The following AP3B1 variants were observed in gnomAD, a reference collection of about 807,000 sequenced individuals.
AP3B1 encodes the protein AP-3 complex subunit beta-1.
AP3B1 carries 61 observed loss-of-function variants against 132.5 expected under a neutral mutation model. That is an observed-to-expected ratio of 0.46 (90% CI 0.37 to 0.57). The LOEUF is 0.57. Ranked by LOEUF, AP3B1 falls within the 20% of genes least tolerant of loss-of-function variation. AP3B1 has a pLI of 0.00. For synonymous variants in AP3B1, 388 were observed against 438.3 expected (o/e 0.89, Z 1.43); for missense variants, 1,120 against 1,289.4 (o/e 0.87, Z 2.01).
intron 14 of AP3B1, among the ~76,000 whole-genome samples, chr5:78,145,323 TCA>T (rs1457221509): frequency 5.3e-5 from 8 of 152,220 alleles, no homozygotes; most frequent in Non-Finnish European, 1.0e-4. Context: ...ACGTATTTTC[TCA>T]GTCATTCATC....
At chr5:78,001,533 A>G (rs1447648949), downstream of AP3B1, 2 of 152,168 alleles carry the variant, frequency 1.3e-5, no homozygotes, top group Non-Finnish European at 2.9e-5. Context: ...ATTCAGGGCT[A>G]TATTTCTTTC....
chr5:78,101,311 T>G (rs1751113905), intron 20 of AP3B1: 3 of 457,016 alleles, frequency 6.6e-6, no homozygotes, highest in Non-Finnish European at 1.3e-5. Context: ...GACAACTTCT[T>G]GCTAACATAA....
chr5:78,278,609 AAAAAAAAAAAAAAAAAGG>A (rs1347242706), intron 1 of AP3B1, among the ~76,000 whole-genome samples: 2 of 136,024 alleles, frequency 1.5e-5, no homozygotes, highest in East Asian at 4.8e-4. Context: ...AAAAAAAAAA[AAAAAAAAAAAAAAAAAGG>A]GGGGGGGGGA....
At chr5:78,090,960 A>AT (rs1485944726) in intron 21 of AP3B1, among the ~76,000 whole-genome samples, 7 of 144,746 alleles carry the variant, frequency 4.8e-5, no homozygotes, top group Admixed American at 6.9e-5. Context: ...TTTTTATTTT[A>AT]TTTTTTTTTA....
chr5:78,046,451 A>T (rs1748333926), intron 22 of AP3B1, among the ~76,000 whole-genome samples: 1 of 152,190 alleles, frequency 6.6e-6, no homozygotes, highest in African/African-American at 2.4e-5. Flanking sequence ...TCTTCCACAA[A>T]ACGGGTCCCT....
intron 19 of AP3B1, 34 bp from the exon 20 acceptor site, chr5:78,110,388 T>C: frequency 2.6e-6 from 4 of 1,516,528 alleles, no homozygotes; most frequent in Non-Finnish European, 3.6e-6. Context: ...AATATGAACT[T>C]TAACTCCTTT....
At chr5:78,103,737 T>A (rs927427485) in intron 20 of AP3B1, among the ~76,000 whole-genome samples, 1 of 152,194 alleles carries the variant, frequency 6.6e-6, no homozygotes, top group African/African-American at 2.4e-5. Context: ...ATTTTGTTTC[T>A]ATGGTATTCA....
chr5:78,221,684 T>C (rs1746182726), intron 6 of AP3B1, among the ~76,000 whole-genome samples: 1 of 151,462 alleles, frequency 6.6e-6, no homozygotes, highest in Non-Finnish European at 1.5e-5. Flanking sequence ...GATTGGAATG[T>C]AAAACAGGCA....
chr5:78,049,768 C>T (rs1279955934), intron 22 of AP3B1, among the ~76,000 whole-genome samples: 2 of 152,146 alleles, frequency 1.3e-5, no homozygotes, highest in Admixed American at 6.5e-5. Flanking sequence ...GACTGAATTG[C>T]TATGTTAGTC....
intron 22 of AP3B1, among the ~76,000 whole-genome samples, chr5:78,054,381 G>A (rs1392832765): frequency 6.6e-6 from 1 of 152,162 alleles, no homozygotes; most frequent in Non-Finnish European, 1.5e-5. Context: ...AGAATGACAA[G>A]GAGGGGAAGA....
chr5:78,038,693 T>C (rs1747912149), intron 23 of AP3B1, among the ~76,000 whole-genome samples: 1 of 152,086 alleles, frequency 6.6e-6, no homozygotes. Context: ...TAATACACAA[T>C]AAACCACTTA....
chr5:78,120,969 A>G lies in AP3B1; in HGVS notation c.1969-4735T>C, dbSNP rs538331663. On this transcript the variant is annotated intron_variant, in intron 17 of 26. Transcript: ENST00000255194. ...TAAAGCACTCCTCAGCAAATGTAAT[A>G]GAACAGAAATTATAACGAACTGTCT... Among the ~76,000 whole-genome samples, 3 of 152,364 alleles carry G rather than the reference A, an allele frequency of 2.0e-5. No individual in the cohort carries two copies. The South Asian group carries it at 6.2e-4, about 32-fold the overall frequency.
chr5:78,069,091 T>C lies in AP3B1; in HGVS notation c.2577+20302A>G, dbSNP rs1192077249. On this transcript the variant is annotated intron_variant, in intron 22 of 26. Transcript: ENST00000255194. ...TTAAAAACTCTCAATAAACTAGGTATTGATGGAACATACCTCAAAATAATT... is the reference window on the plus strand; with the variant it reads ...TTAAAAACTCTCAATAAACTAGGTACTGATGGAACATACCTCAAAATAATT... Among the ~76,000 whole-genome samples, 8 of 152,376 alleles carry C rather than the reference T, an allele frequency of 5.3e-5. No homozygotes were observed. In the East Asian group the frequency reaches 1.3e-3, roughly 26 times the overall value.
chr5:78,040,785 A>G (rs1247122786), intron 22 of AP3B1, among the ~76,000 whole-genome samples: 3 of 152,210 alleles, frequency 2.0e-5, no homozygotes, highest in Non-Finnish European at 4.4e-5. Context: ...ATATCAACCT[A>G]TTAAACATTT....
intron 22 of AP3B1, among the ~76,000 whole-genome samples, chr5:78,078,663 A>G (rs146558002): frequency 2.4e-4 from 36 of 152,266 alleles, no homozygotes; most frequent in Middle Eastern, 3.4e-3. Flanking sequence ...ATTGATAGGC[A>G]CTCTTTGCAG....
At chr5:78,116,264 G>C in intron 17 of AP3B1, 30 bp from the exon 18 acceptor site, 1 of 1,551,666 alleles carries the variant, frequency 6.4e-7, no homozygotes, top group Non-Finnish European at 8.9e-7. Flanking sequence ...AAATATAAAT[G>C]AATTCTCATT....
chr5:78,093,778 A>C (rs959493589), intron 21 of AP3B1, among the ~76,000 whole-genome samples: 1 of 152,228 alleles, frequency 6.6e-6, no homozygotes, highest in Non-Finnish European at 1.5e-5. Flanking sequence ...GCTTTTACGT[A>C]TATCAAGTCA....
intron 22 of AP3B1, among the ~76,000 whole-genome samples, chr5:78,078,958 G>A (rs1336619558): frequency 6.6e-6 from 1 of 152,192 alleles, no homozygotes; most frequent in Non-Finnish European, 1.5e-5. Context: ...GTTGTTACCT[G>A]CCTTACAGAT....
chr5:78,290,441 T>G (rs1368283663), intron 1 of AP3B1, among the ~76,000 whole-genome samples: 2 of 152,040 alleles, frequency 1.3e-5, no homozygotes, highest in African/African-American at 4.8e-5. Context: ...GATTTACAAA[T>G]TTAGTAGCTT....
Sources: allele counts gnomAD v4.1 joint callset (sites outside exome capture counted in the v4.1 genomes callset), GRCh38; gene constraint gnomAD v4.1.1; transcripts MANE v1.5; gene names NCBI Gene and HGNC (gene_info 2026-07-23, HGNC 2026-07-21).